The following GUSB variants were observed in gnomAD, a reference collection of about 807,000 sequenced individuals.
GUSB encodes the protein glucuronidase beta.
GUSB carries 51 observed loss-of-function variants against 74.6 expected under a neutral mutation model. The observed-to-expected ratio is 0.68, with a 90% CI of 0.55 to 0.86. The LOEUF (loss-of-function observed/expected upper bound fraction) is 0.86, where lower values mean the gene tolerates loss of function less well. Among genes scored for constraint, GUSB ranks in the 40% least tolerant of loss-of-function variants. The probability of loss-of-function intolerance (pLI) is 0.00; values close to 1 mark genes in which losing one functional copy is unlikely to be tolerated. For synonymous variants in GUSB, 360 were observed against 348.3 expected (o/e 1.03, Z -0.37); for missense variants, 736 against 853.7 (o/e 0.86, Z 1.72).
intron 1 of GUSB, 107 bp from the exon 2 acceptor site, chr7:65,980,516 G>T: frequency 2.0e-6 from 2 of 993,518 alleles, no homozygotes; most frequent in Non-Finnish European, 3.1e-6. Context: ...GACACATAGC[G>T]GGGATTCTTG....
At chr7:65,973,626 A>G (rs1033046527) in intron 8 of GUSB, among the ~76,000 whole-genome samples, 3 of 151,650 alleles carry the variant, frequency 2.0e-5, no homozygotes, top group African/African-American at 7.3e-5. Flanking sequence ...GCGTGGTGGC[A>G]TGTGCCTGTA....
intron 9 of GUSB, 74 bp from the exon 10 acceptor site, chr7:65,967,981 T>C (rs1246266430): frequency 4.0e-6 from 5 of 1,262,556 alleles, no homozygotes; most frequent in Non-Finnish European, 5.7e-6. Flanking sequence ...CTGCGGGGGC[T>C]CCTCTGGCAG....
rs750430817 is a variant in GUSB, at chr7:65,976,090, T to C, written c.837A>G (p.Gln279=). The C allele has an allele frequency of 6.2e-7, 1 of 1,614,016 alleles. No homozygotes were observed. The highest frequency in any genetic ancestry group is 8.5e-7 in the Non-Finnish European group (1 of 1,180,010). ...AGAGGCTGACACCTGGCACCTTAAGTTGGCCCTGGGTCCCAGTCCCATTCG... is the reference window on the plus strand; with the variant it reads ...AGAGGCTGACACCTGGCACCTTAAGCTGGCCCTGGGTCCCAGTCCCATTCG... ...VVANGTGTQG[Q]LKVPGVSLWW... Residue 279 remains glutamine (Q), a synonymous_variant, in exon 5 of 12, where the codon CAA becomes CAG. Transcript: ENST00000304895.
intron 9 of GUSB, 121 bp from the exon 10 acceptor site, chr7:65,968,028 G>A: frequency 1.2e-6 from 1 of 808,122 alleles, no homozygotes; most frequent in Non-Finnish European, 2.1e-6. Context: ...CACTCTGGGA[G>A]GCTGAGGCAG....
rs1370711917 is a variant in GUSB, at chr7:65,971,172, G to A, written c.1392-806C>T. ...ACAGGAGGTGGATGGATGCAGATTT[G>A]GGAGGGATATTTATTAATGCATCAA... On this transcript the variant is annotated intron_variant, in intron 8 of 11. Transcript: ENST00000304895. Among the ~76,000 whole-genome samples the A allele has an allele frequency of 2.0e-5, 3 of 152,184 alleles. No homozygotes were observed. The East Asian group carries it at 5.8e-4, about 29-fold the overall frequency.
intron 5 of GUSB, 94 bp downstream of exon 5, chr7:65,975,921 C>A: frequency 1.0e-6 from 1 of 968,460 alleles, no homozygotes; most frequent in South Asian, 1.5e-5. Context: ...GAGGACCATG[C>A]CTGCCCATCC....
intron 2 of GUSB, 53 bp downstream of exon 2, chr7:65,980,162 GTCCCATGCT>G: frequency 6.9e-7 from 1 of 1,447,154 alleles, no homozygotes; most frequent in Non-Finnish European, 9.5e-7. Context: ...GCAGCTGGAG[GTCCCATGCT>G]GTTCAGCAGC....
intron 2 of GUSB, 39 bp downstream of exon 2, chr7:65,980,185 G>GGGGGGGGGGCCCCCCC: frequency 1.4e-6 from 1 of 725,274 alleles, no homozygotes; most frequent in Non-Finnish European, 2.4e-6. Flanking sequence ...CAGCAGCCGT[G>GGGGGGGGGGCCCCCCC]CCCCCCCACC....
chr7:65,980,287 C>T lies in GUSB; in HGVS notation c.333G>A (p.Trp111Ter). The change falls in exon 2 of 12, where the codon TGG becomes TGA. Residue 111 changes from tryptophan to a stop codon, truncating the protein, a stop_gained. Transcript: ENST00000304895. LOFTEE classifies it high-confidence loss of function. Reference protein sequence around the residue: ...YEREVILPERWTQDLRTRVVL... With the variant: ...YEREVILPER ...CCACTCTTGTGCGCAGGTCCTGGGT[C>T]CATCGCTCCGGCAGGATCACCTCCC... 1 of 1,583,118 alleles carries T rather than the reference C, an allele frequency of 6.3e-7. No homozygotes were observed. The highest frequency in any genetic ancestry group is 8.6e-7 in the Non-Finnish European group (1 of 1,161,530).
rs758743865 is a variant in GUSB, at chr7:65,982,079, C to G, written c.105G>C (p.Ser35=). 1.2e-5 allele frequency: 19 copies of G among 1,607,504 alleles called. No homozygotes were observed. The South Asian group carries it at 2.1e-4, about 18-fold the overall frequency. ...GGMLYPQESP[S]RECKELDGLW... ...GGCCGTCCAGCTCCTTGCACTCCCGCGACGGGCTCTCCTGGGGGTACAGCA... is the reference window on the plus strand; with the variant it reads ...GGCCGTCCAGCTCCTTGCACTCCCGGGACGGGCTCTCCTGGGGGTACAGCA... Residue 35 remains serine, a synonymous_variant, in exon 1 of 12, where the codon TCG becomes TCC. Coordinates refer to ENST00000304895, the MANE Select transcript of GUSB (RefSeq NM_000181.4).
intron 4 of GUSB, among the ~76,000 whole-genome samples, chr7:65,977,553 T>C (rs1168547312): frequency 2.0e-5 from 3 of 151,880 alleles, no homozygotes; most frequent in Non-Finnish European, 4.4e-5. Context: ...TTTATTTTAT[T>C]TTATTTATTT....
At chr7:65,975,560 T>C (rs1309875548) in intron 5 of GUSB, 1 of 234,520 alleles carries the variant, frequency 4.3e-6, no homozygotes, top group African/African-American at 2.3e-5. Context: ...AATTTTCATA[T>C]TTTTAGTAGA....
At position 65,970,664 on chromosome 7, in the gene GUSB, C is replaced by T. The variant is rs369708580; in HGVS notation, c.1392-298G>A. On this transcript the variant is annotated intron_variant, in intron 8 of 11. Coordinates refer to ENST00000304895, the MANE Select transcript of GUSB (RefSeq NM_000181.4). The stretch of plus-strand genomic sequence containing the variant: ...ATCCCAGCACTTTGGGAGGCCGAGG[C>T]GGGCAGATCACAAGGTCAGGAGATC... Among the ~76,000 whole-genome samples, 622 of 151,938 alleles carry T rather than the reference C, an allele frequency of 4.1e-3. 3 individuals are homozygous for T. The highest frequency in any genetic ancestry group is 0.014 in the African/African-American group (577 of 41,426).
rs200831987 is a variant in GUSB at position 65,970,297 on chromosome 7, A to G, written c.1461T>C (p.Tyr487=). 355 of 1,611,866 alleles carry G rather than the reference A, an allele frequency of 2.2e-4. 2 individuals are homozygous for G. The highest frequency in any genetic ancestry group is 5.3e-5 in the African/African-American group (4 of 74,974). Residue 487 remains tyrosine, a synonymous_variant, in exon 9 of 12, where the codon TAT becomes TAC. Transcript: ENST00000304895. The stretch of plus-strand genomic sequence containing the variant: ...CCAGGCTCACCCCCTTGTCTGCTGC[A>G]TAGTTAGAGTTGCTCACAAAGGTCA... ...RPVTFVSNSN[Y]AADKGAPYVD...
chr7:65,964,337 A>C lies in GUSB; in HGVS notation c.1775T>G (p.Phe592Cys). 1 of 1,612,054 alleles carries C rather than the reference A, an allele frequency of 6.2e-7. No homozygotes were observed. The highest frequency in any genetic ancestry group is 8.5e-7 in the Non-Finnish European group (1 of 1,179,844). Reference protein sequence around the residue: ...VGELIWNFADFMTEQSPTRVL... With the variant: ...VGELIWNFADCMTEQSPTRVL... ...CTGCCACTTACACTGTTCAGTCATGAAATCGGCAAAATTCCAAATGAGCTC... is the reference window on the plus strand; with the variant it reads ...CTGCCACTTACACTGTTCAGTCATGCAATCGGCAAAATTCCAAATGAGCTC... The change falls in exon 11 of 12, where the codon TTC (phenylalanine) becomes TGC (cysteine). Residue 592 changes from phenylalanine (F) to cysteine (C), a missense_variant. Phe to Cys is a radical substitution (Grantham distance 205). This residue lies in a region of GUSB where 368 missense variants were observed against 489.9 expected (regional missense o/e 0.75). Coordinates refer to ENST00000304895, the MANE Select transcript of GUSB (RefSeq NM_000181.4).
chr7:65,978,023 G>A (rs1791704954), intron 4 of GUSB, among the ~76,000 whole-genome samples: 2 of 150,736 alleles, frequency 1.3e-5, no homozygotes, highest in Admixed American at 1.3e-4. Context: ...TGTTAGTCAG[G>A]ATGGTCGCGA....
chr7:65,977,175 G>A (rs1312135910), intron 4 of GUSB, among the ~76,000 whole-genome samples: 1 of 152,030 alleles, frequency 6.6e-6, no homozygotes, highest in Non-Finnish European at 1.5e-5. Flanking sequence ...TGTGCATTTT[G>A]CACTTCACTA....
intron 9 of GUSB, among the ~76,000 whole-genome samples, chr7:65,969,343 C>T (rs1342832191): frequency 3.3e-5 from 5 of 152,092 alleles, no homozygotes; most frequent in Non-Finnish European, 7.4e-5. Context: ...TGCACCATTT[C>T]ACTCAAGCCT....
intron 11 of GUSB, among the ~76,000 whole-genome samples, chr7:65,961,845 T>TA (rs955692578): frequency 6.6e-6 from 1 of 151,896 alleles, no homozygotes; most frequent in Non-Finnish European, 1.5e-5. Context: ...CTACTAAAAA[T>TA]ACAAAAATTA....
Sources: allele counts gnomAD v4.1 joint callset (sites outside exome capture counted in the v4.1 genomes callset), GRCh38; gene constraint gnomAD v4.1.1; regional missense constraint gnomAD v4.1.1; transcripts MANE v1.5; gene names NCBI Gene and HGNC (gene_info 2026-07-23, HGNC 2026-07-21).